The following ENOX1 variants were observed in gnomAD, a reference collection of about 807,000 sequenced individuals.
ENOX1 encodes the protein ecto-NOX disulfide-thiol exchanger 1.
ENOX1 carries 42 observed loss-of-function variants against 82.5 expected under a neutral mutation model. That is an observed-to-expected ratio of 0.51 (90% CI 0.40 to 0.66). The LOEUF (loss-of-function observed/expected upper bound fraction) is 0.66. ENOX1 is among the 30% of genes least tolerant of loss of function. The probability of loss-of-function intolerance (pLI) is 0.00; values close to 1 mark genes in which losing one functional copy is unlikely to be tolerated. For synonymous variants in ENOX1, 271 were observed against 282.2 expected (o/e 0.96, Z 0.40); for missense variants, 608 against 811.6 (o/e 0.75, Z 3.05).
chr13:43,542,235 G>C (rs1487128936), intron 2 of ENOX1, among the ~76,000 whole-genome samples: 1 of 151,998 alleles, frequency 6.6e-6, no homozygotes, highest in East Asian at 1.9e-4. Context: ...TGTCTCTCAG[G>C]TTCAAGCTAT....
intron 2 of ENOX1, among the ~76,000 whole-genome samples, chr13:43,593,669 T>A: frequency 1.4e-5 from 1 of 69,248 alleles, no homozygotes; most frequent in South Asian, 5.3e-4. Flanking sequence ...CCAATCTCTG[T>A]ACACACACAC....
At chr13:43,568,858 T>C (rs2080042439) in intron 2 of ENOX1, among the ~76,000 whole-genome samples, 1 of 152,160 alleles carries the variant, frequency 6.6e-6, no homozygotes. Flanking sequence ...TATCTATTAC[T>C]AGTGGCTGTC....
chr13:43,734,196 GTTGGTTGTTGTTGTTGTTGTTGTT>G (rs2089490839), intron 1 of ENOX1, among the ~76,000 whole-genome samples: 1 of 148,674 alleles, frequency 6.7e-6, no homozygotes, highest in Admixed American at 6.6e-5. Flanking sequence ...CAATTTTGTT[GTTGGTTGTTGTTGTTGTTGTTGTT>G]GTTGTTGTTG....
At chr13:43,777,281 C>T (rs1259256390) in intron 1 of ENOX1, among the ~76,000 whole-genome samples, 2 of 151,886 alleles carry the variant, frequency 1.3e-5, no homozygotes, top group African/African-American at 4.8e-5. Flanking sequence ...AGGACTAGTC[C>T]AAACACGTGA....
intron 1 of ENOX1, among the ~76,000 whole-genome samples, chr13:43,668,219 C>T (rs2085080788): frequency 6.6e-6 from 1 of 152,154 alleles, no homozygotes; most frequent in Admixed American, 6.6e-5. Flanking sequence ...TGAGAACCCA[C>T]CTGAGACCTA....
At chr13:43,393,413 G>GT (rs2052924019) in intron 5 of ENOX1, among the ~76,000 whole-genome samples, 1 of 152,170 alleles carries the variant, frequency 6.6e-6, no homozygotes, top group African/African-American at 2.4e-5. Context: ...ACAGGCTGAA[G>GT]TTTTTTTATT....
intron 3 of ENOX1, among the ~76,000 whole-genome samples, chr13:43,442,141 C>T (rs2056395141): frequency 6.6e-6 from 1 of 152,132 alleles, no homozygotes; most frequent in Non-Finnish European, 1.5e-5. Flanking sequence ...TTCCCCAGCT[C>T]TTCACAGCCC....
chr13:43,398,156 A>T (rs2053265551), intron 5 of ENOX1, among the ~76,000 whole-genome samples: 1 of 152,222 alleles, frequency 6.6e-6, no homozygotes, highest in Admixed American at 6.5e-5. Flanking sequence ...GGGGGTATGC[A>T]AACATTCAGA....
chr13:43,730,112 T>C (rs2153821638), intron 1 of ENOX1, among the ~76,000 whole-genome samples: 1 of 152,290 alleles, frequency 6.6e-6, no homozygotes, highest in African/African-American at 2.4e-5. Flanking sequence ...ATAGGAGCAA[T>C]CTCTTCTACT....
chr13:43,702,079 A>C (rs1223628489), intron 1 of ENOX1, among the ~76,000 whole-genome samples: 1 of 152,174 alleles, frequency 6.6e-6, no homozygotes, highest in Non-Finnish European at 1.5e-5. Flanking sequence ...ATGTTATATA[A>C]ATGGAATTAT....
intron 3 of ENOX1, among the ~76,000 whole-genome samples, chr13:43,456,683 G>A (rs935933990): frequency 6.6e-6 from 1 of 152,176 alleles, no homozygotes; most frequent in Non-Finnish European, 1.5e-5. Context: ...CCCAATCCCT[G>A]AGTCTAGAGT....
intron 1 of ENOX1, among the ~76,000 whole-genome samples, chr13:43,715,035 G>T (rs2088013886): frequency 1.3e-5 from 2 of 152,262 alleles, no homozygotes; most frequent in African/African-American, 4.8e-5. Context: ...GCATGTTTTT[G>T]CAGTGGCTGG....
At chr13:43,666,750 A>G (rs1453106249) in intron 2 of ENOX1, among the ~76,000 whole-genome samples, 2 of 152,206 alleles carry the variant, frequency 1.3e-5, no homozygotes, top group Admixed American at 1.3e-4. Context: ...AGCAAGTCCA[A>G]TAACAAAATT....
chr13:43,470,755 T>C lies in ENOX1; in HGVS notation c.-75+13254A>G, dbSNP rs1294639430. ...CAGAGAAAATTATATAAATGACCGG[T>C]GAGCATATGAAAATGATTTCGACAT... On this transcript the variant is annotated intron_variant, in intron 3 of 16. Coordinates refer to ENST00000690772, the MANE Select transcript of ENOX1 (RefSeq NM_001347969.2). Among the ~76,000 whole-genome samples the C allele has an allele frequency of 2.6e-5, 4 of 151,804 alleles. No individual in the cohort carries two copies. In the East Asian group the frequency reaches 7.8e-4, roughly 29 times the overall value.
At position 43,786,810 on chromosome 13, in the gene ENOX1, CGTTCCCTCTGCT is replaced by C. The variant is rs1952661688; in HGVS notation, c.-455_-444del. 2 of 144,298 alleles carry C rather than the reference CGTTCCCTCTGCT, an allele frequency of 1.4e-5. No individual in the cohort carries two copies. The highest frequency in any genetic ancestry group is 2.1e-4 in the South Asian group (1 of 4,766). 8.9% of individuals were successfully genotyped at this position (144,298 alleles called of 1,614,324 possible). A position where few individuals can be genotyped will look rare whatever the true frequency, so the allele number is the denominator to read the frequency against. ...GGAGACGCGGCCGGGCTGCAGTCGC[CGTTCCCTCTGCT>C]GCCGCCGCCGCTGCAGCAGACAGAG... On this transcript the variant is annotated 5_prime_UTR_variant, in exon 1 of 17. Transcript: ENST00000690772. The surrounding 1 kb of genome is among the most constrained non-coding windows in gnomAD (Gnocchi z 6.0).
intron 1 of ENOX1, among the ~76,000 whole-genome samples, chr13:43,735,816 T>C (rs2089601475): frequency 6.6e-6 from 1 of 152,292 alleles, no homozygotes; most frequent in East Asian, 1.9e-4. Flanking sequence ...GTAGGACAGT[T>C]GAAACACATA....
chr13:43,488,077 G>T (rs181895504), intron 2 of ENOX1, among the ~76,000 whole-genome samples: 1 of 152,258 alleles, frequency 6.6e-6, no homozygotes, highest in East Asian at 1.9e-4. Flanking sequence ...ACTGAACAGA[G>T]GAGCTAAAAG....
chr13:43,326,011 T>C (rs914819028), intron 10 of ENOX1, among the ~76,000 whole-genome samples: 4 of 152,064 alleles, frequency 2.6e-5, no homozygotes, highest in African/African-American at 7.2e-5. Context: ...TAAGAAAATA[T>C]GGACGGAAAG....
intron 12 of ENOX1, among the ~76,000 whole-genome samples, chr13:43,275,135 A>C (rs889784480): frequency 6.6e-6 from 1 of 152,198 alleles, no homozygotes; most frequent in African/African-American, 2.4e-5. Flanking sequence ...TCCTCCTAGC[A>C]ACGACTTCTA....
Sources: allele counts gnomAD v4.1 joint callset (sites outside exome capture counted in the v4.1 genomes callset), GRCh38; gene constraint gnomAD v4.1.1; non-coding constraint Gnocchi (gnomAD v3.1); transcripts MANE v1.5; gene names NCBI Gene and HGNC (gene_info 2026-07-23, HGNC 2026-07-21).